Variants in TIAM2 observed in about 807,000 individuals in gnomAD.
TIAM2 encodes the protein rho guanine nucleotide exchange factor TIAM2.
Under a neutral mutation model 152.9 loss-of-function variants are expected in TIAM2, and 80 were observed. The ratio of observed to expected loss-of-function variants is 0.52; its 90% CI spans 0.44 to 0.63. The LOEUF (loss-of-function observed/expected upper bound fraction) is 0.63. Ranked by LOEUF, TIAM2 falls within the 30% of genes least tolerant of loss-of-function variation. The pLI, the probability that TIAM2 is intolerant of heterozygous loss-of-function variation, is 0.00. For synonymous variants in TIAM2, 804 were observed against 838.0 expected (o/e 0.96, Z 0.70); for missense variants, 1,965 against 2,120.1 (o/e 0.93, Z 1.44).
At chr6:155,056,335 C>G in intron 1 of TIAM2, among the ~76,000 whole-genome samples, 1 of 151,936 alleles carries the variant, frequency 6.6e-6, no homozygotes, top group Non-Finnish European at 1.5e-5. Context: ...CCATGCCCGG[C>G]TAATTTTTGT....
chr6:155,124,579 C>A (rs1779247512), intron 2 of TIAM2, among the ~76,000 whole-genome samples: 1 of 152,136 alleles, frequency 6.6e-6, no homozygotes. Context: ...ATCTGCCCTG[C>A]CTTGGCCTCC....
chr6:155,055,729 A>G (rs866990134), intron 1 of TIAM2, among the ~76,000 whole-genome samples: 4 of 152,304 alleles, frequency 2.6e-5, no homozygotes, highest in Middle Eastern at 6.8e-3. Context: ...TGGGAGGCCA[A>G]GGTGGGAGGA....
At chr6:155,014,844 C>T (rs1778546511) in intron 1 of TIAM2, among the ~76,000 whole-genome samples, 2 of 152,156 alleles carry the variant, frequency 1.3e-5, no homozygotes, top group Admixed American at 6.6e-5. Context: ...TTTGCAAATT[C>T]TTCTCCTATG....
At position 155,063,917 on chromosome 6, in the gene TIAM2, TA is replaced by T. The variant is rs200444420; in HGVS notation, c.-208-26364del. On this transcript the variant is annotated intron_variant, in intron 1 of 26. Transcript: ENST00000682666. ...GTGAAGCTCAATAATAGCCTTGGAT[TA>T]AAAAAAAGAAGAAAGCAGAAATTAT... Among the ~76,000 whole-genome samples, 70 of 151,704 alleles carry T rather than the reference TA, an allele frequency of 4.6e-4. No individual in the cohort carries two copies. In the East Asian group the frequency reaches 0.011, roughly 24 times the overall value.
chr6:155,248,675 T>C (rs547296017), intron 20 of TIAM2, among the ~76,000 whole-genome samples: 3 of 152,340 alleles, frequency 2.0e-5, no homozygotes, highest in Middle Eastern at 6.8e-3. Flanking sequence ...TTCAAGTCGC[T>C]ACTGGTGTGT....
chr6:155,064,291 T>C lies in TIAM2; in HGVS notation c.-208-25998T>C, dbSNP rs893936554. 3.3e-5 allele frequency among the ~76,000 whole-genome samples: 5 copies of C among 152,216 alleles called. No homozygotes were observed. In the East Asian group the frequency reaches 9.6e-4, roughly 29 times the overall value. On this transcript the variant is annotated intron_variant, in intron 1 of 26. Coordinates refer to ENST00000682666, the MANE Select transcript of TIAM2 (RefSeq NM_012454.4). ...TAGAATAAAATAATACAGTATCTTA[T>C]ATTTAAGAACTAAACATGAAACTTG... is the stretch of plus-strand genomic sequence containing the variant.
intron 14 of TIAM2, among the ~76,000 whole-genome samples, chr6:155,185,915 C>G (rs76487783): frequency 6.6e-6 from 1 of 152,158 alleles, no homozygotes; most frequent in African/African-American, 2.4e-5. Flanking sequence ...AAAAACAGCC[C>G]CAGCAGACTC....
At chr6:155,051,789 C>T (rs902663952) in intron 1 of TIAM2, among the ~76,000 whole-genome samples, 4 of 152,046 alleles carry the variant, frequency 2.6e-5, no homozygotes, top group African/African-American at 9.7e-5. Context: ...GGATTACAGG[C>T]GCACACTACC....
chr6:155,116,272 A>T (rs1391152872), intron 2 of TIAM2, among the ~76,000 whole-genome samples: 2 of 152,146 alleles, frequency 1.3e-5, no homozygotes, highest in Non-Finnish European at 2.9e-5. Context: ...CTAAAATCTT[A>T]TCAGGTTTGT....
At chr6:155,231,023 G>A (rs762905308) in intron 15 of TIAM2, among the ~76,000 whole-genome samples, 18 of 150,236 alleles carry the variant, frequency 1.2e-4, no homozygotes, top group Non-Finnish European at 2.2e-4. Flanking sequence ...TGTATTTTTA[G>A]TAGAGATGGG....
At chr6:155,248,205 C>A (rs777505358) in intron 20 of TIAM2, 26 bp downstream of exon 20, 2 of 1,606,152 alleles carry the variant, frequency 1.2e-6, no homozygotes, top group African/African-American at 1.3e-5. Flanking sequence ...CACCTCCGGG[C>A]GAGGGCCTGC....
At chr6:155,128,599 C>T (rs1422515350) in intron 3 of TIAM2, among the ~76,000 whole-genome samples, 1 of 151,922 alleles carries the variant, frequency 6.6e-6, no homozygotes, top group African/African-American at 2.4e-5. Context: ...GTGGCTCACA[C>T]CTGTGATGCT....
At chr6:155,004,455 A>G (rs555125733) in intron 1 of TIAM2, among the ~76,000 whole-genome samples, 1 of 152,098 alleles carries the variant, frequency 6.6e-6, no homozygotes, top group Non-Finnish European at 1.5e-5. Context: ...CAGTGACATG[A>G]TCTTGGCTCA....
chr6:155,126,681 A>G (rs1779305483), intron 2 of TIAM2, among the ~76,000 whole-genome samples: 1 of 152,164 alleles, frequency 6.6e-6, no homozygotes, highest in Non-Finnish European at 1.5e-5. Flanking sequence ...CAGTGAGCCG[A>G]GATTGTGCCA....
At chr6:155,115,170 T>TA (rs11327910) in intron 2 of TIAM2, among the ~76,000 whole-genome samples, 107 of 132,694 alleles carry the variant, frequency 8.1e-4, no homozygotes, top group East Asian at 2.5e-3. Context: ...TAAATTGTAC[T>TA]AAAAAAAAAA....
intron 1 of TIAM2, among the ~76,000 whole-genome samples, chr6:155,057,972 A>G (rs1394855184): frequency 1.3e-5 from 2 of 152,160 alleles, no homozygotes; most frequent in South Asian, 2.1e-4. Context: ...AGATGGATTC[A>G]TGGCTATTTA....
intron 2 of TIAM2, among the ~76,000 whole-genome samples, chr6:155,111,298 TACACACACACACAC>T (rs57988099): frequency 0.068 from 9,427 of 138,368 alleles, 521 homozygotes; most frequent in African/African-American, 0.16. Flanking sequence ...ATTCTTGGAA[TACACACACACACAC>T]ACACACACAC....
intron 10 of TIAM2, 141 bp from the exon 11 acceptor site, chr6:155,178,898 G>A: frequency 1.5e-6 from 1 of 677,502 alleles, no homozygotes; most frequent in South Asian, 2.0e-5. Flanking sequence ...TTAAATTCGA[G>A]CTCTTATATA....
chr6:155,087,546 C>G lies in TIAM2; in HGVS notation c.-208-2743C>G, dbSNP rs111663380. Among the ~76,000 whole-genome samples, 910 of 152,022 alleles carry G rather than the reference C, an allele frequency of 6.0e-3. 8 individuals are homozygous for G. Among genetic ancestry groups the G allele is most frequent in the African/African-American group, 0.02 (817 of 41,464 alleles). On this transcript the variant is annotated intron_variant, in intron 1 of 26. Coordinates refer to ENST00000682666, the MANE Select transcript of TIAM2 (RefSeq NM_012454.4). ...GGTGGATCACTTGAGCTCAGGAGTT[C>G]GAGACCAGCCTGGCCAACATGGTGA...
Sources: allele counts gnomAD v4.1 joint callset (sites outside exome capture counted in the v4.1 genomes callset), GRCh38; gene constraint gnomAD v4.1.1; transcripts MANE v1.5; gene names NCBI Gene and HGNC (gene_info 2026-07-23, HGNC 2026-07-21).